Variants in IGSF10 observed in about 807,000 individuals in gnomAD.
IGSF10 encodes immunoglobulin superfamily member 10.
A neutral mutation model predicts 128.2 loss-of-function variants in IGSF10; 126 were observed. That is an observed-to-expected ratio of 0.98 (90% confidence interval 0.85 to 1.14). The LOEUF is 1.14. Among genes scored for constraint, IGSF10 ranks in the 50% most tolerant of loss-of-function variants. IGSF10 has a pLI of 0.00. For synonymous variants in IGSF10, 1,185 were observed against 1,146.2 expected (o/e 1.03, Z -0.68); for missense variants, 3,295 against 3,149.8 (o/e 1.05, Z -1.10).
chr3:151,448,014 A>C lies in IGSF10; in HGVS notation c.1967T>G (p.Leu656Trp). 1 of 1,614,176 alleles carries C rather than the reference A, an allele frequency of 6.2e-7. No homozygotes were observed. ...CATCTTGACTGAAACTTGGAAAATCAAAAAATCAACCCCTGATGGGTTGGC... is the reference window on the plus strand; with the variant it reads ...CATCTTGACTGAAACTTGGAAAATCCAAAAATCAACCCCTGATGGGTTGGC... ...VAANPSGVDFLIFQVSVKMKG... is the reference protein window; with the variant it reads ...VAANPSGVDFWIFQVSVKMKG... Residue 656 changes from leucine to tryptophan, a missense_variant, in exon 6 of 8, where the codon TTG (leucine) becomes TGG (tryptophan). Physicochemically the swap from Leu to Trp is moderately conservative, Grantham distance 61 (BLOSUM62 -2). Coordinates refer to ENST00000282466, the MANE Select transcript of IGSF10 (RefSeq NM_178822.5).
chr3:151,608,634 C>G, the IGSF10 span, among the ~76,000 whole-genome samples: 1 of 152,118 alleles, frequency 6.6e-6, no homozygotes, highest in Admixed American at 6.5e-5. Context: ...CTTAACACTT[C>G]TTTGTTTGTT....
At chr3:151,583,887 T>C in the IGSF10 span, among the ~76,000 whole-genome samples, 2 of 152,202 alleles carry the variant, frequency 1.3e-5, no homozygotes, top group Admixed American at 1.3e-4. Flanking sequence ...GCCCAACATA[T>C]GGACTATTTT....
the IGSF10 span, among the ~76,000 whole-genome samples, chr3:151,527,575 G>A: frequency 1.3e-5 from 2 of 152,142 alleles, no homozygotes; most frequent in Admixed American, 1.3e-4. Flanking sequence ...TTAAGTCCCA[G>A]TATTAATTGC....
In IGSF10 at chr3:151,437,405, A is replaced by AACTT. The variant is rs1328568590; in HGVS notation, c.7152_7155dup (p.Tyr2386LysfsTer16). 1.2e-6 allele frequency: 2 copies of AACTT among 1,614,210 alleles called. No homozygotes were observed. The highest frequency in any genetic ancestry group is 1.3e-5 in the African/African-American group (1 of 75,062). The stretch of plus-strand genomic sequence containing the variant: ...CCATTGCTTGCTATCAGATACTGAT[A>AACTT]ACTTTGTGGTCCATTGGAAAATCGT... On this transcript the variant is annotated frameshift_variant, in exon 8 of 8. Transcript: ENST00000282466. LOFTEE classifies it low-confidence loss of function (END_TRUNC).
chr3:151,513,260 A>T, the IGSF10 span, among the ~76,000 whole-genome samples: 72,658 of 151,826 alleles, frequency 0.48, 17,853 homozygotes, highest in South Asian at 0.59. Flanking sequence ...CAAAAAGCTT[A>T]TTCACCATGA....
upstream of IGSF10, among the ~76,000 whole-genome samples, chr3:151,461,866 T>C (rs1455335481): frequency 6.6e-6 from 1 of 152,262 alleles, no homozygotes; most frequent in African/African-American, 2.4e-5. Flanking sequence ...TCACTTGGCA[T>C]AATGTCCTCC....
At chr3:151,588,274 C>T in the IGSF10 span, among the ~76,000 whole-genome samples, 1 of 152,174 alleles carries the variant, frequency 6.6e-6, no homozygotes, top group Non-Finnish European at 1.5e-5. Context: ...TGCTGGGTCT[C>T]ATCATGATGG....
chr3:151,452,936 C>T (rs575408439), intron 5 of IGSF10, among the ~76,000 whole-genome samples: 5 of 151,764 alleles, frequency 3.3e-5, no homozygotes, highest in African/African-American at 9.7e-5. Context: ...GCAGCAGGTA[C>T]GAGGAGGTAA....
chr3:151,440,874 T>A (rs889219373), intron 7 of IGSF10: 2 of 243,284 alleles, frequency 8.2e-6, no homozygotes, highest in African/African-American at 4.4e-5. Context: ...GCATTAGAAT[T>A]ACATGGGTCG....
downstream of IGSF10, chr3:151,435,251 T>TATCA (rs3975356): frequency 2.3e-4 from 35 of 151,532 alleles, no homozygotes; most frequent in African/African-American, 6.3e-4. Flanking sequence ...CAGCTATACC[T>TATCA]ATCAATCAAT....
Position 151,445,876 on chromosome 3 carries a change from T to G in IGSF10, c.4105A>C (p.Thr1369Pro), listed in dbSNP as rs2108549412. The G allele has an allele frequency of 2.5e-6, 4 of 1,614,204 alleles. No individual in the cohort carries two copies. In the South Asian group the frequency reaches 4.4e-5, roughly 18 times the overall value. The change falls in exon 6 of 8, where the codon ACT becomes CCT. Residue 1369 changes from threonine to proline, a missense_variant. By Grantham distance (38) the Thr-to-Pro change is conservative. Coordinates refer to ENST00000282466, the MANE Select transcript of IGSF10 (RefSeq NM_178822.5). ...NISPDQSSGFTTPTAMTPPVL... is the reference protein window; with the variant it reads ...NISPDQSSGFPTPTAMTPPVL... ...GGAGGTGTCATAGCAGTGGGTGTAG[T>G]GAAGCCAGAACTCTGGTCTGGAGAG...
At chr3:151,509,444 G>A in the IGSF10 span, among the ~76,000 whole-genome samples, 2 of 152,188 alleles carry the variant, frequency 1.3e-5, no homozygotes, top group East Asian at 1.9e-4. Context: ...GAACCAAGAC[G>A]ACCATGTTTT....
the IGSF10 span, among the ~76,000 whole-genome samples, chr3:151,480,767 G>C: frequency 1.3e-5 from 2 of 152,010 alleles, no homozygotes; most frequent in East Asian, 3.9e-4. Flanking sequence ...CCCAGTTACT[G>C]CTGGATCCTC....
the IGSF10 span, among the ~76,000 whole-genome samples, chr3:151,602,760 G>T: frequency 6.6e-6 from 1 of 152,054 alleles, no homozygotes; most frequent in Non-Finnish European, 1.5e-5. Context: ...GCTCTTTTAA[G>T]TGGCCAGGAA....
Position 151,448,315 on chromosome 3 carries a change from A to C in IGSF10, c.1666T>G (p.Tyr556Asp), listed in dbSNP as rs776499459. ...TAGGTGAGAATATCTGCATCATCAT[A>C]ATTGCTGCTTATACAGTGATATACG... ...TGVYHCISSNYDDADILTYRI... is the reference protein window; with the variant it reads ...TGVYHCISSNDDDADILTYRI... The change falls in exon 6 of 8, where the codon TAT becomes GAT. Residue 556 changes from tyrosine to aspartate, a missense_variant. Transcript: ENST00000282466. The C allele has an allele frequency of 9.3e-6, 15 of 1,614,088 alleles. No individual in the cohort carries two copies. In the African/African-American group the frequency reaches 1.1e-4, roughly 11 times the overall value.
the IGSF10 span, among the ~76,000 whole-genome samples, chr3:151,531,269 A>G: frequency 9.2e-5 from 14 of 152,108 alleles, no homozygotes; most frequent in Non-Finnish European, 1.9e-4. Flanking sequence ...TGTCAATATT[A>G]GATCAATGAG....
At chr3:151,560,309 C>T in the IGSF10 span, among the ~76,000 whole-genome samples, 13 of 151,972 alleles carry the variant, frequency 8.6e-5, no homozygotes, top group African/African-American at 2.7e-4. Context: ...AACTTTTATT[C>T]ACCATACATT....
chr3:151,511,774 C>T, the IGSF10 span, among the ~76,000 whole-genome samples: 1 of 151,948 alleles, frequency 6.6e-6, no homozygotes, highest in African/African-American at 2.4e-5. Context: ...GGAAGATCTA[C>T]CAAGCAAATG....
chr3:151,436,911 A>G lies in IGSF10; in HGVS notation c.7650T>C (p.Cys2550=). The G allele has an allele frequency of 1.2e-6, 2 of 1,614,186 alleles. No homozygotes were observed. The highest frequency in any genetic ancestry group is 8.5e-7 in the Non-Finnish European group (1 of 1,180,018). Reference sequence around the variant, plus strand: ...CTGGCTTGGGAACTCCCAAGGCCACACAGTGGAGCTGAAAGGCTGCCCCTG... The same window carrying G: ...CTGGCTTGGGAACTCCCAAGGCCACGCAGTGGAGCTGAAAGGCTGCCCCTG... The part of the protein sequence containing the change: ...TRTGAAFQLH[C]VALGVPKPEI... The change falls in exon 8 of 8, where the codon TGT becomes TGC. Residue 2550 remains cysteine (C), a synonymous_variant. Coordinates refer to ENST00000282466, the MANE Select transcript of IGSF10 (RefSeq NM_178822.5).
Sources: allele counts gnomAD v4.1 joint callset (sites outside exome capture counted in the v4.1 genomes callset), GRCh38; gene constraint gnomAD v4.1.1; transcripts MANE v1.5; gene names NCBI Gene and HGNC (gene_info 2026-07-23, HGNC 2026-07-21).